The following TOX2 variants were observed in gnomAD, a reference collection of about 807,000 sequenced individuals.
TOX2 encodes TOX high mobility group box family member 2.
A neutral mutation model predicts 47.4 loss-of-function variants in TOX2; 15 were observed. The observed-to-expected ratio is 0.32, with a 90% CI of 0.21 to 0.49. The LOEUF (loss-of-function observed/expected upper bound fraction) is 0.49, where lower values mean the gene tolerates loss of function less well. TOX2 is among the 20% of genes least tolerant of loss of function. TOX2 has a pLI of 0.99. For synonymous variants in TOX2, 290 were observed against 296.6 expected (o/e 0.98, Z 0.23); for missense variants, 622 against 673.1 (o/e 0.92, Z 0.84).
chr20:43,955,307 G>A, intron 1 of TOX2: 1 of 985,408 alleles, frequency 1.0e-6, no homozygotes, highest in Non-Finnish European at 1.2e-6. Context: ...TGGGTCACAG[G>A]AGGGCCCATG....
rs545569018 is a variant in TOX2, at chr20:43,919,516, A to T, written c.99+4526A>T. Among the ~76,000 whole-genome samples, 6 of 152,200 alleles carry T rather than the reference A, an allele frequency of 3.9e-5. No homozygotes were observed. In the South Asian group the frequency reaches 1.0e-3, roughly 26 times the overall value. ...AGAATCAGCTGGCAAGATTTTTTTT[A>T]AATTTTATTTTAAGTTCCAGGATAC... On this transcript the variant is annotated intron_variant, in intron 1 of 8. Coordinates refer to ENST00000341197, the MANE Select transcript of TOX2 (RefSeq NM_001098797.2).
At chr20:43,963,597 C>T (rs1309729930) in intron 1 of TOX2, among the ~76,000 whole-genome samples, 3 of 152,290 alleles carry the variant, frequency 2.0e-5, no homozygotes, top group Admixed American at 6.5e-5. Flanking sequence ...CTAAACTTTC[C>T]GGGCCTCTGT....
chr20:44,068,594 TC>T (rs1569157156), intron 8 of TOX2, 55 bp from the exon 9 acceptor site: 2 of 1,570,608 alleles, frequency 1.3e-6, no homozygotes, highest in Non-Finnish European at 1.7e-6. Context: ...GTCCTGGTGC[TC>T]CCCTGGCCCG....
rs770413770 is a variant in TOX2, at chr20:44,066,807, G to A, written c.1434G>A (p.Gly478=). The A allele has an allele frequency of 1.2e-6, 2 of 1,614,158 alleles. No homozygotes were observed. Among genetic ancestry groups the A allele is most frequent in the Admixed American group, 1.7e-5 (1 of 60,018 alleles). ...GCCCATCCAACCCCACCAGCAGCGG[G>A]GACTGGGACAGCAGCTACCCCAGTG... The part of the protein sequence containing the change: ...SPGPSNPTSS[G]DWDSSYPSGE... Residue 478 remains glycine (G), a synonymous_variant, in exon 8 of 9, where the codon GGG becomes GGA. Transcript: ENST00000341197.
At chr20:43,978,663 C>G (rs2070120613) in intron 2 of TOX2, among the ~76,000 whole-genome samples, 1 of 152,146 alleles carries the variant, frequency 6.6e-6, no homozygotes, top group Non-Finnish European at 1.5e-5. Context: ...ACCTCCTCAT[C>G]ACAGCCTTCC....
intron 1 of TOX2, among the ~76,000 whole-genome samples, chr20:43,938,070 C>T (rs1440698151): frequency 6.6e-6 from 1 of 152,192 alleles, no homozygotes; most frequent in Non-Finnish European, 1.5e-5. Context: ...GGGCTGTTAA[C>T]CTCAGCACCT....
Position 44,064,954 on chromosome 20 carries a change from G to C in TOX2, c.960+97G>C. Reference sequence around the variant, plus strand: ...GCCCGTGGGAAGGGCCGGCACCCCAGGTCTTAGAAAGAATGGCTCAGACCT... The same window carrying C: ...GCCCGTGGGAAGGGCCGGCACCCCACGTCTTAGAAAGAATGGCTCAGACCT... On this transcript the variant is annotated intron_variant, in intron 6 of 8. Transcript: ENST00000341197. The C allele has an allele frequency of 4.3e-6, 5 of 1,163,308 alleles. No homozygotes were observed. The South Asian group carries it at 6.6e-5, about 15-fold the overall frequency. The allele number at this position is 1,163,308 out of a possible 1,614,324, so 72.1% of individuals were successfully genotyped here.
intron 1 of TOX2, among the ~76,000 whole-genome samples, chr20:43,966,955 G>A (rs570173978): frequency 4.0e-4 from 17 of 42,344 alleles, no homozygotes; most frequent in Admixed American, 2.9e-3. Flanking sequence ...TGTGTGACAC[G>A]GACCCACCAA....
At chr20:43,957,296 C>T (rs2069684335) in intron 1 of TOX2, among the ~76,000 whole-genome samples, 1 of 152,176 alleles carries the variant, frequency 6.6e-6, no homozygotes, top group Non-Finnish European at 1.5e-5. Flanking sequence ...ACCCTCTTGT[C>T]CCCATTCTGT....
At chr20:44,057,335 T>C (rs945243998) in intron 5 of TOX2, among the ~76,000 whole-genome samples, 1 of 152,228 alleles carries the variant, frequency 6.6e-6, no homozygotes, top group Non-Finnish European at 1.5e-5. Flanking sequence ...GGGATAGTGG[T>C]CTTCTTACTT....
At chr20:44,066,687 T>A in intron 7 of TOX2, 43 bp from the exon 8 acceptor site, 1 of 1,613,744 alleles carries the variant, frequency 6.2e-7, no homozygotes, top group East Asian at 2.2e-5. Flanking sequence ...GTCTGCCCCC[T>A]CATCTCTCCT....
rs527447213 is a variant in TOX2, at chr20:43,978,934, G to A, written c.165+5502G>A. On this transcript the variant is annotated intron_variant, in intron 2 of 8. Coordinates refer to ENST00000341197, the MANE Select transcript of TOX2 (RefSeq NM_001098797.2). ...AGTAAAGGATCAAGATCTAGATTGT[G>A]GCAGAGGGGATGGAAAGAAGTAGAT... Among the ~76,000 whole-genome samples, 4 of 152,264 alleles carry A rather than the reference G, an allele frequency of 2.6e-5. No individual in the cohort carries two copies. The East Asian group carries it at 7.7e-4, about 29-fold the overall frequency.
intron 1 of TOX2, among the ~76,000 whole-genome samples, chr20:43,960,034 C>A (rs1242800257): frequency 2.0e-5 from 3 of 152,196 alleles, no homozygotes; most frequent in African/African-American, 7.2e-5. Context: ...AGCTACATAA[C>A]CTCCCTCGAC....
intron 1 of TOX2, among the ~76,000 whole-genome samples, chr20:43,948,919 T>A (rs903634969): frequency 6.6e-6 from 1 of 152,188 alleles, no homozygotes; most frequent in African/African-American, 2.4e-5. Flanking sequence ...CTTCTAGTTG[T>A]GAGGCTTGAG....
chr20:44,044,861 C>T (rs868039301), intron 3 of TOX2, among the ~76,000 whole-genome samples: 3 of 152,108 alleles, frequency 2.0e-5, no homozygotes, highest in South Asian at 4.2e-4. Context: ...TAATGCCCAA[C>T]CAACTGCCTA....
chr20:43,983,986 G>A (rs1176152831), intron 2 of TOX2, among the ~76,000 whole-genome samples: 1 of 152,188 alleles, frequency 6.6e-6, no homozygotes, highest in Admixed American at 6.5e-5. Flanking sequence ...TCTGGCCTCT[G>A]AGTCTGTGTA....
chr20:43,995,074 T>G (rs2070448097), intron 2 of TOX2, among the ~76,000 whole-genome samples: 1 of 152,146 alleles, frequency 6.6e-6, no homozygotes, highest in African/African-American at 2.4e-5. Context: ...GGTATGGCTT[T>G]TCTCTCCTGT....
In TOX2 at chr20:44,066,805, G is replaced by A. The variant is rs748730944; in HGVS notation, c.1432G>A (p.Gly478Arg). 88 of 1,614,022 alleles carry A rather than the reference G, an allele frequency of 5.5e-5. No homozygotes were observed. Among genetic ancestry groups the A allele is most frequent in the Middle Eastern group, 1.6e-4 (1 of 6,084 alleles). Residue 478 changes from glycine to arginine, a missense_variant, in exon 8 of 9, where the codon GGG (glycine) becomes AGG (arginine). This residue lies in a region of TOX2 where 294 missense variants were observed against 300.0 expected (regional missense o/e 0.98). Transcript: ENST00000341197. ...TGGCCCATCCAACCCCACCAGCAGC[G>A]GGGACTGGGACAGCAGCTACCCCAG... Reference protein sequence around the residue: ...SPGPSNPTSSGDWDSSYPSGE... With the variant: ...SPGPSNPTSSRDWDSSYPSGE...
intron 3 of TOX2, among the ~76,000 whole-genome samples, chr20:44,025,342 T>C (rs2145666137): frequency 6.6e-6 from 1 of 150,940 alleles, no homozygotes; most frequent in Non-Finnish European, 1.5e-5. Context: ...TGCACCCCCA[T>C]GTCCATTCGT....
Sources: gnomAD v4.1 joint callset for allele counts (sites outside exome capture counted in the v4.1 genomes callset) on GRCh38, gnomAD v4.1.1 for gene constraint, gnomAD v4.1.1 regional missense constraint, MANE v1.5 for transcripts, NCBI Gene and HGNC (gene_info 2026-07-23, HGNC 2026-07-21) for gene names.